DYNC1I2: variants seen among roughly 807,000 people sequenced by gnomAD.
DYNC1I2 encodes the protein cytoplasmic dynein 1 intermediate chain 2.
A neutral mutation model predicts 88.6 loss-of-function variants in DYNC1I2; 53 were observed. That is an observed-to-expected ratio of 0.60 (90% CI 0.48 to 0.75). The LOEUF (loss-of-function observed/expected upper bound fraction) is 0.75. Among genes scored for constraint, DYNC1I2 ranks in the 30% least tolerant of loss-of-function variants. The pLI is 0.00. For synonymous variants in DYNC1I2, 198 were observed against 254.6 expected, an observed-to-expected ratio of 0.78 and a Z score of 2.12; for missense variants, 458 against 766.6, an observed-to-expected ratio of 0.60 and a Z score of 4.75.
At chr2:171,744,239 T>C (rs1419214612) in intron 16 of DYNC1I2, 50 bp downstream of exon 16, 1 of 1,536,056 alleles carries the variant, frequency 6.5e-7, no homozygotes, top group Non-Finnish European at 8.7e-7. Flanking sequence ...AAATTGGATA[T>C]TTATTGAATA....
chr2:171,703,634 G>T (rs1254655986), intron 3 of DYNC1I2, among the ~76,000 whole-genome samples: 1 of 152,010 alleles, frequency 6.6e-6, no homozygotes, highest in Non-Finnish European at 1.5e-5. Context: ...ATTAGTAGAG[G>T]ATATTTAAAC....
In DYNC1I2 at chr2:171,729,858, CTAAAA is replaced by C; in HGVS notation, c.1536+8_1536+12del. 1 of 1,613,366 alleles carries C rather than the reference CTAAAA, an allele frequency of 6.2e-7. No homozygotes were observed. The highest frequency in any genetic ancestry group is 8.5e-7 in the Non-Finnish European group (1 of 1,179,540). On this transcript the variant is annotated splice_donor_region_variant and intron_variant, in intron 15 of 17. Coordinates refer to ENST00000397119, the MANE Select transcript of DYNC1I2 (RefSeq NM_001378.3). ...GTAAAGCTTTGGACAACTAAGGTATCTAAAATATAGATGTCTGCTATTTGCTCAGG... is the reference window on the plus strand; with the variant it reads ...GTAAAGCTTTGGACAACTAAGGTATCTATAGATGTCTGCTATTTGCTCAGG...
At chr2:171,712,656 G>A in intron 5 of DYNC1I2, 111 bp from the exon 6 acceptor site, 2 of 766,226 alleles carry the variant, frequency 2.6e-6, no homozygotes, top group East Asian at 2.5e-5. Context: ...CAGAACATGT[G>A]TTTTTTAATT....
At chr2:171,695,394 C>T (rs923966406) in intron 3 of DYNC1I2, among the ~76,000 whole-genome samples, 9 of 152,098 alleles carry the variant, frequency 5.9e-5, no homozygotes, top group South Asian at 2.1e-4. Context: ...CCACCATGCC[C>T]GGCCCACTTT....
At chr2:171,711,609 A>C (rs1275791951) in intron 5 of DYNC1I2, among the ~76,000 whole-genome samples, 1 of 152,234 alleles carries the variant, frequency 6.6e-6, no homozygotes, top group Non-Finnish European at 1.5e-5. Flanking sequence ...TGCTTAGTAC[A>C]AAGTAGATCT....
intron 5 of DYNC1I2, 94 bp downstream of exon 5, chr2:171,707,471 G>A (rs373531108): frequency 4.7e-6 from 5 of 1,058,962 alleles, no homozygotes; most frequent in African/African-American, 1.7e-5. Context: ...TAGTTGTGTC[G>A]AGTTAGTCCT....
rs554419987 is a variant in DYNC1I2, at chr2:171,698,742, G to A, written c.226+5848G>A. ...AAATTAGCCGAGTGTGGTGGTGGGCGCCTGTGGTCCTAGCTACTTGGGAGG... is the reference window on the plus strand; with the variant it reads ...AAATTAGCCGAGTGTGGTGGTGGGCACCTGTGGTCCTAGCTACTTGGGAGG... On this transcript the variant is annotated intron_variant, in intron 3 of 17. Coordinates refer to ENST00000397119, the MANE Select transcript of DYNC1I2 (RefSeq NM_001378.3). Among the ~76,000 whole-genome samples, 10 of 152,126 alleles carry A rather than the reference G, an allele frequency of 6.6e-5. No homozygotes were observed. The South Asian group carries it at 1.2e-3, about 19-fold the overall frequency.
At chr2:171,727,649 A>G (rs911985480) in intron 11 of DYNC1I2, among the ~76,000 whole-genome samples, 172 bp from the exon 12 acceptor site, 3 of 152,126 alleles carry the variant, frequency 2.0e-5, no homozygotes, top group African/African-American at 7.2e-5. Flanking sequence ...TTAAAGATAT[A>G]TTTTTATATT....
chr2:171,747,207 T>TTATATATATATATA (rs67834157), intron 17 of DYNC1I2, among the ~76,000 whole-genome samples: 1,606 of 124,538 alleles, frequency 0.013, 22 homozygotes, highest in Non-Finnish European at 0.019. Context: ...AAAAAAAAAA[T>TTATATATATATATA]TATATATATA....
rs150601460 is a variant in DYNC1I2, at chr2:171,736,632, C to T, written c.1536+6779C>T. On this transcript the variant is annotated intron_variant, in intron 15 of 17. Coordinates refer to ENST00000397119, the MANE Select transcript of DYNC1I2 (RefSeq NM_001378.3). ...TTCTCAAAATCCATTGGTTGAGACTCCCTTTCTCCTGGACGATGCTTGAAT... is the reference window on the plus strand; with the variant it reads ...TTCTCAAAATCCATTGGTTGAGACTTCCTTTCTCCTGGACGATGCTTGAAT... Among the ~76,000 whole-genome samples the T allele has an allele frequency of 1.1e-3, 161 of 152,308 alleles. 1 individual carries two copies. Among genetic ancestry groups the T allele is most frequent in the African/African-American group, 3.6e-3 (150 of 41,564 alleles).
intron 7 of DYNC1I2, among the ~76,000 whole-genome samples, chr2:171,723,955 G>A (rs1290571520): frequency 6.6e-6 from 1 of 152,194 alleles, no homozygotes; most frequent in Non-Finnish European, 1.5e-5. Context: ...AAATGTGGTT[G>A]GGCTGGCTGA....
intron 4 of DYNC1I2, 170 bp from the exon 5 acceptor site, chr2:171,707,116 CT>C: frequency 1.1e-6 from 1 of 897,734 alleles, no homozygotes; most frequent in Non-Finnish European, 1.7e-6. Flanking sequence ...AACTTTTTGT[CT>C]TTTCCCCTTT....
In DYNC1I2 at chr2:171,713,496, TTCTG is replaced by T. The variant is rs370769572; in HGVS notation, c.395+672_395+675del. Among the ~76,000 whole-genome samples, 800 of 152,052 alleles carry T rather than the reference TTCTG, an allele frequency of 5.3e-3. 4 individuals are homozygous for T. The highest frequency in any genetic ancestry group is 0.016 in the African/African-American group (671 of 41,548). On this transcript the variant is annotated intron_variant, in intron 6 of 17. Transcript: ENST00000397119. Reference sequence around the variant, plus strand: ...CGTTAGAAAACTAATGCTTTATAGTTTCTGTATGTCTCTTTTTTAGAGTTTTAAA... The same window carrying T: ...CGTTAGAAAACTAATGCTTTATAGTTTATGTCTCTTTTTTAGAGTTTTAAA...
chr2:171,740,877 C>T (rs777811596), intron 15 of DYNC1I2, among the ~76,000 whole-genome samples: 2 of 152,116 alleles, frequency 1.3e-5, no homozygotes, highest in African/African-American at 2.4e-5. Flanking sequence ...CACAGAGGCA[C>T]GCCTAATTGC....
At chr2:171,708,060 G>GTC (rs764556646) in intron 5 of DYNC1I2, among the ~76,000 whole-genome samples, 4 of 145,824 alleles carry the variant, frequency 2.7e-5, no homozygotes, top group Non-Finnish European at 4.7e-5. Flanking sequence ...ATTCCTCTTT[G>GTC]TCTCTCTCAC....
At chr2:171,697,861 GAAA>G (rs1685902544) in intron 3 of DYNC1I2, among the ~76,000 whole-genome samples, 1 of 108,536 alleles carries the variant, frequency 9.2e-6, no homozygotes, top group Non-Finnish European at 2.2e-5. Context: ...CTCAAGAAAA[GAAA>G]AGAAAAGAAA....
At position 171,724,561 on chromosome 2, in the gene DYNC1I2, G is replaced by T. The variant is rs986947915; in HGVS notation, c.512-1057G>T. Among the ~76,000 whole-genome samples, 11 of 152,312 alleles carry T rather than the reference G, an allele frequency of 7.2e-5. No individual in the cohort carries two copies. In the South Asian group the frequency reaches 1.0e-3, roughly 14 times the overall value. ...CTGCTGGGACCATGACTTGGCAGCTGGTTCCCATTCTTGACCATTCTTTTG... is the reference window on the plus strand; with the variant it reads ...CTGCTGGGACCATGACTTGGCAGCTTGTTCCCATTCTTGACCATTCTTTTG... On this transcript the variant is annotated intron_variant, in intron 7 of 17. Transcript: ENST00000397119.
chr2:171,705,145 CTTTTA>C (rs1371625530), intron 3 of DYNC1I2, among the ~76,000 whole-genome samples: 1 of 151,986 alleles, frequency 6.6e-6, no homozygotes, highest in Non-Finnish European at 1.5e-5. Flanking sequence ...TAGCATCACC[CTTTTA>C]TTTTTTATTT....
At chr2:171,740,985 A>G (rs936686069) in intron 15 of DYNC1I2, among the ~76,000 whole-genome samples, 2 of 152,132 alleles carry the variant, frequency 1.3e-5, no homozygotes, top group East Asian at 3.8e-4. Flanking sequence ...GCTCCTGGAA[A>G]CCACTAATCA....
Sources: gnomAD v4.1 joint callset for allele counts (sites outside exome capture counted in the v4.1 genomes callset) on GRCh38, gnomAD v4.1.1 for gene constraint, MANE v1.5 for transcripts, NCBI Gene and HGNC (gene_info 2026-07-23, HGNC 2026-07-21) for gene names.